Variants in GLI3 observed in about 807,000 individuals in gnomAD.
GLI3 encodes transcription activator GLI3.
In GLI3, 20 loss-of-function variants were observed where a neutral mutation model predicts 100.8. The ratio of observed to expected loss-of-function variants is 0.20; its 90% CI spans 0.14 to 0.29. The LOEUF (loss-of-function observed/expected upper bound fraction) is 0.29, where lower values mean the gene tolerates loss of function less well. Among genes scored for constraint, GLI3 ranks in the 10% least tolerant of loss-of-function variants. GLI3 has a pLI of 1.00. For missense variants in GLI3, 2,040 were observed against 2,128.5 expected (o/e 0.96, Z 0.82); for synonymous variants, 938 against 860.5 (o/e 1.09, Z -1.58).
At chr7:42,036,259 A>G (rs1297640149) in intron 7 of GLI3, among the ~76,000 whole-genome samples, 2 of 152,226 alleles carry the variant, frequency 1.3e-5, no homozygotes, top group Non-Finnish European at 2.9e-5. Flanking sequence ...ACACTCATAC[A>G]GATTGCAACT....
At chr7:42,047,623 A>G (rs892058862) in intron 5 of GLI3, among the ~76,000 whole-genome samples, 2 of 152,244 alleles carry the variant, frequency 1.3e-5, no homozygotes, top group African/African-American at 2.4e-5. Flanking sequence ...TCAAAGGACC[A>G]GTTTATAAGT....
chr7:42,246,774 T>TGGGA (rs1404855147), intron 1 of GLI3, among the ~76,000 whole-genome samples: 1 of 148,654 alleles, frequency 6.7e-6, no homozygotes, highest in Non-Finnish European at 1.5e-5. Context: ...GTTTAGTCCT[T>TGGGA]GGGAGTTAAA....
chr7:42,172,529 T>C (rs1475883881), intron 2 of GLI3: 1 of 702,706 alleles, frequency 1.4e-6, no homozygotes, highest in Non-Finnish European at 2.6e-6. Flanking sequence ...CCTAGGTAAA[T>C]GTATGGGTTT....
At position 41,965,375 on chromosome 7, in the gene GLI3, T is replaced by C. The variant is rs757037250; in HGVS notation, c.3698A>G (p.Asn1233Ser). Residue 1233 changes from asparagine (N) to serine (S), a missense_variant, in exon 15 of 15, where the codon AAC becomes AGC. Physicochemically the swap from Asn to Ser is conservative, Grantham distance 46. This residue lies in a region of GLI3 where 1,041 missense variants were observed against 924.0 expected (regional missense o/e 1.13). Transcript: ENST00000395925. ...TCCACTGGTGCCACTTCCGGGGCTG[T>C]TGTGGAGCATCAAGTGCTCTGGGCC... ...YGGPEHLMLH[N>S]SPGSGTSGNA... The C allele has an allele frequency of 5.6e-6, 9 of 1,612,898 alleles. No individual in the cohort carries two copies. In the East Asian group the frequency reaches 1.6e-4, roughly 28 times the overall value.
At chr7:42,063,690 G>A (rs766615580) in intron 4 of GLI3, among the ~76,000 whole-genome samples, 2 of 152,148 alleles carry the variant, frequency 1.3e-5, no homozygotes, top group Non-Finnish European at 2.9e-5. Flanking sequence ...ATATGTAGTA[G>A]GCAATCCTGC....
chr7:42,228,120 C>A (rs564060894), intron 1 of GLI3, among the ~76,000 whole-genome samples: 14 of 152,110 alleles, frequency 9.2e-5, no homozygotes, highest in African/African-American at 3.4e-4. Context: ...GCGCCGGGCC[C>A]GCGCAGCGCT....
At chr7:42,079,105 A>C (rs2128752547) in intron 3 of GLI3, among the ~76,000 whole-genome samples, 1 of 152,346 alleles carries the variant, frequency 6.6e-6, no homozygotes, top group East Asian at 1.9e-4. Flanking sequence ...CTTAGTACTT[A>C]ATATGAAAGG....
In GLI3 at chr7:41,965,565, C is replaced by T. The variant is rs753384480; in HGVS notation, c.3508G>A (p.Ala1170Thr). 15 of 1,604,724 alleles carry T rather than the reference C, an allele frequency of 9.3e-6. No individual in the cohort carries two copies. The highest frequency in any genetic ancestry group is 5.0e-5 in the Admixed American group (3 of 59,810). Residue 1170 changes from alanine to threonine, a missense_variant, in exon 15 of 15, where the codon GCC (alanine) becomes ACC (threonine). By Grantham distance (58) the Ala-to-Thr change is moderately conservative. Coordinates refer to ENST00000395925, the MANE Select transcript of GLI3 (RefSeq NM_000168.6). The stretch of plus-strand genomic sequence containing the variant: ...TTGAGCTTGGAGGAGGACAGGTCGG[C>T]GCTTCCGGAGCTGACTTCGTTCCAC... The part of the protein sequence containing the change: ...IQWNEVSSGS[A>T]DLSSSKLKCG...
intron 4 of GLI3, among the ~76,000 whole-genome samples, chr7:42,069,205 T>C (rs1037447950): frequency 6.6e-6 from 1 of 152,242 alleles, no homozygotes; most frequent in Non-Finnish European, 1.5e-5. Flanking sequence ...ATATACACTA[T>C]AATTAGGGCC....
At chr7:42,113,704 T>C (rs1348548271) in intron 3 of GLI3, 1 of 693,188 alleles carries the variant, frequency 1.4e-6, no homozygotes, top group Non-Finnish European at 2.6e-6. Flanking sequence ...TTTATAAAAA[T>C]GCAGAATTTT....
chr7:42,052,300 A>G (rs1215401967), intron 4 of GLI3, among the ~76,000 whole-genome samples: 1 of 152,184 alleles, frequency 6.6e-6, no homozygotes, highest in Admixed American at 6.5e-5. Context: ...GTGTGGAAGA[A>G]TCCCCTTTCC....
chr7:42,214,975 T>C (rs1788346346), intron 2 of GLI3, among the ~76,000 whole-genome samples: 2 of 151,898 alleles, frequency 1.3e-5, no homozygotes, highest in South Asian at 4.1e-4. Context: ...GATATTTAAA[T>C]AGAAGAAAGA....
At chr7:42,243,563 T>C (rs1788944489) in intron 1 of GLI3, among the ~76,000 whole-genome samples, 1 of 152,214 alleles carries the variant, frequency 6.6e-6, no homozygotes, top group Admixed American at 6.5e-5. Context: ...CATCTGTGAA[T>C]TGGAGATAAC....
chr7:41,982,612 G>A (rs2128714324), intron 10 of GLI3, among the ~76,000 whole-genome samples: 1 of 151,564 alleles, frequency 6.6e-6, no homozygotes, highest in South Asian at 2.1e-4. Context: ...TGAGGCAGGA[G>A]GGTCACTTGA....
chr7:42,240,663 C>A (rs10276091), upstream of GLI3, among the ~76,000 whole-genome samples: 1,861 of 152,272 alleles, frequency 0.012, 15 homozygotes, highest in Non-Finnish European at 0.018. Flanking sequence ...GTTAGAGACC[C>A]ACCCTACTCC....
intron 1 of GLI3, among the ~76,000 whole-genome samples, chr7:42,225,074 T>C (rs960596534): frequency 2.6e-5 from 4 of 152,250 alleles, no homozygotes; most frequent in African/African-American, 4.8e-5. Flanking sequence ...TGGTCCCTTC[T>C]AGCTCTAACA....
In GLI3 at chr7:41,965,275, A is replaced by C. The variant is rs1583729127; in HGVS notation, c.3798T>G (p.Gly1266=). 1 of 1,613,726 alleles carries C rather than the reference A, an allele frequency of 6.2e-7. No individual in the cohort carries two copies. The highest frequency in any genetic ancestry group is 8.5e-7 in the Non-Finnish European group (1 of 1,179,724). Residue 1266 remains glycine, a synonymous_variant, in exon 15 of 15, where the codon GGT becomes GGG. Transcript: ENST00000395925. ...CGGCACCACAGGCACCGTCGAGTGC[A>C]CCAGGGGCCACTGGCTGCCTGTTGA... ...NCLNRQPVAP[G]ALDGACGAGI...
rs754772497 is a variant in GLI3 at position 42,023,498 on chromosome 7, C to T, written c.1467G>A (p.Arg489=). The T allele has an allele frequency of 1.2e-6, 2 of 1,614,146 alleles. No homozygotes were observed. The highest frequency in any genetic ancestry group is 1.1e-5 in the South Asian group (1 of 91,086). ...ETNCHWEGCA[R]EFDTQEQLVH... ...CAAGCTGCTCTTGGGTGTCGAACTCCCTCGCGCAGCCTTCCCAGTGGCAGT... is the reference window on the plus strand; with the variant it reads ...CAAGCTGCTCTTGGGTGTCGAACTCTCTCGCGCAGCCTTCCCAGTGGCAGT... The change falls in exon 10 of 15, where the codon AGG becomes AGA. Residue 489 remains arginine, a synonymous_variant. Coordinates refer to ENST00000395925, the MANE Select transcript of GLI3 (RefSeq NM_000168.6).
chr7:42,140,831 G>T (rs1786550810), intron 3 of GLI3, among the ~76,000 whole-genome samples: 1 of 152,168 alleles, frequency 6.6e-6, no homozygotes, highest in African/African-American at 2.4e-5. Flanking sequence ...GAGGGCCGAG[G>T]ATAATGTTGC....
Sources: gnomAD v4.1 joint callset for allele counts (sites outside exome capture counted in the v4.1 genomes callset) on GRCh38, gnomAD v4.1.1 for gene constraint, gnomAD v4.1.1 regional missense constraint, MANE v1.5 for transcripts, NCBI Gene and HGNC (gene_info 2026-07-23, HGNC 2026-07-21) for gene names.